The following PRRX2 variants were observed in gnomAD, a reference collection of about 807,000 sequenced individuals.
PRRX2 encodes the protein paired mesoderm homeobox protein 2.
A neutral mutation model predicts 18.0 loss-of-function variants in PRRX2; 11 were observed. The observed-to-expected ratio is 0.61, with a 90% confidence interval of 0.39 to 1.01. The LOEUF (loss-of-function observed/expected upper bound fraction) is 1.01. Ranked by LOEUF, PRRX2 falls within the 50% of genes least tolerant of loss-of-function variation. The pLI is 0.01. For missense variants in PRRX2, 387 were observed against 351.0 expected (o/e 1.10, Z -0.82); for synonymous variants, 177 against 154.8 (o/e 1.14, Z -1.06).
intron 1 of PRRX2, among the ~76,000 whole-genome samples, chr9:129,697,291 G>A (rs985943259): frequency 6.6e-6 from 1 of 152,158 alleles, no homozygotes; most frequent in Admixed American, 6.5e-5. Context: ...GGAGGGAGCT[G>A]GCTGGGCTGC....
rs1832008853 is a variant in PRRX2 at position 129,665,689 on chromosome 9, G to A, written c.-179G>A. The A allele has an allele frequency of 3.5e-6, 1 of 286,788 alleles. No individual in the cohort carries two copies. Among genetic ancestry groups the A allele is most frequent in the Admixed American group, 6.3e-5 (1 of 15,904 alleles). 17.8% of individuals were successfully genotyped at this position (286,788 alleles called of 1,614,324 possible). A position where few individuals can be genotyped will look rare whatever the true frequency, so the allele number is the denominator to read the frequency against. Reference sequence around the variant, plus strand: ...CGGAGCGAGCGGCCGTGGCTGAGAAGGGGAGGGCGGAAAGTTTGTTTCCCC... The same window carrying A: ...CGGAGCGAGCGGCCGTGGCTGAGAAAGGGAGGGCGGAAAGTTTGTTTCCCC... On this transcript the variant is annotated 5_prime_UTR_variant, in exon 1 of 4. Coordinates refer to ENST00000372469, the MANE Select transcript of PRRX2 (RefSeq NM_016307.4). This position sits in a 1 kb window ranked among gnomAD's most constrained non-coding sequence, Gnocchi z 5.3.
At chr9:129,685,516 C>T (rs1242208782) in intron 1 of PRRX2, among the ~76,000 whole-genome samples, 2 of 152,140 alleles carry the variant, frequency 1.3e-5, no homozygotes, top group African/African-American at 4.8e-5. Flanking sequence ...TGTGCCACCA[C>T]CCCCACCTGG....
rs923356508 is a variant in PRRX2 at position 129,720,743 on chromosome 9, T to G, written c.595T>G (p.Tyr199Asp). Residue 199 changes from tyrosine (Y) to aspartate (D), a missense_variant, in exon 3 of 4, where the codon TAT (tyrosine) becomes GAT (aspartate). Tyr to Asp is a radical substitution (Grantham distance 160). Coordinates refer to ENST00000372469, the MANE Select transcript of PRRX2 (RefSeq NM_016307.4). ...APRPTALSPD[Y>D]LSWTASSPYS... Reference sequence around the variant, plus strand: ...CCGGCCCACCGCCCTGAGTCCAGATTATCTCTCCTGGACAGCCTCGTCCCC... The same window carrying G: ...CCGGCCCACCGCCCTGAGTCCAGATGATCTCTCCTGGACAGCCTCGTCCCC... 1.9e-6 allele frequency: 3 copies of G among 1,609,966 alleles called. No individual in the cohort carries two copies. The African/African-American group carries it at 4.0e-5, about 22-fold the overall frequency.
rs775348667 is a variant in PRRX2, at chr9:129,719,395, A to G, written c.424A>G (p.Asn142Asp). The G allele has an allele frequency of 6.5e-6, 10 of 1,545,254 alleles. No individual in the cohort carries two copies. Among genetic ancestry groups the G allele is most frequent in the Non-Finnish European group, 6.1e-6 (7 of 1,145,574 alleles). ...FVREELARRVNLSEARVQVWF... is the reference protein window; with the variant it reads ...FVREELARRVDLSEARVQVWF... ...GCGCGAGGAGCTTGCCCGGCGCGTC[A>G]ACCTCAGCGAGGCGCGCGTTCAGGT... Residue 142 changes from asparagine (N) to aspartate (D), a missense_variant, in exon 2 of 4, where the codon AAC becomes GAC. Coordinates refer to ENST00000372469, the MANE Select transcript of PRRX2 (RefSeq NM_016307.4).
At chr9:129,684,461 C>CACACAA (rs1382196160) in intron 1 of PRRX2, among the ~76,000 whole-genome samples, 1 of 132,212 alleles carries the variant, frequency 7.6e-6, no homozygotes, top group South Asian at 2.5e-4. Context: ...CACACACACC[C>CACACAA]AACAGAAAAG....
At chr9:129,721,302 C>G (rs994451063) in intron 3 of PRRX2, among the ~76,000 whole-genome samples, 4 of 152,098 alleles carry the variant, frequency 2.6e-5, no homozygotes, top group African/African-American at 9.7e-5. Flanking sequence ...TGGCTGGGGC[C>G]CAGAGCCAAG....
At chr9:129,686,517 T>A (rs925000722) in intron 1 of PRRX2, among the ~76,000 whole-genome samples, 1 of 152,050 alleles carries the variant, frequency 6.6e-6, no homozygotes, top group Non-Finnish European at 1.5e-5. Context: ...CTAATTTTTT[T>A]AAGAGGAGTC....
intron 1 of PRRX2, among the ~76,000 whole-genome samples, chr9:129,684,412 G>T (rs1270392437): frequency 7.5e-5 from 9 of 120,416 alleles, no homozygotes; most frequent in East Asian, 4.7e-4. Flanking sequence ...CACAGAGAGA[G>T]ACACACACAG....
At chr9:129,668,486 A>C (rs1832055735) in intron 1 of PRRX2, among the ~76,000 whole-genome samples, 1 of 152,198 alleles carries the variant, frequency 6.6e-6, no homozygotes, top group East Asian at 1.9e-4. Flanking sequence ...GGTCCAAAGA[A>C]AGATGGTCTG....
chr9:129,702,353 G>A (rs553528743), intron 1 of PRRX2, among the ~76,000 whole-genome samples: 7 of 151,266 alleles, frequency 4.6e-5, no homozygotes, highest in Non-Finnish European at 8.8e-5. Context: ...AGCAGAGATC[G>A]CGCTACTGCA....
At position 129,690,059 on chromosome 9, in the gene PRRX2, C is replaced by T. The variant is rs1035545131; in HGVS notation, c.259+23933C>T. Among the ~76,000 whole-genome samples the T allele has an allele frequency of 8.6e-5, 13 of 152,010 alleles. No homozygotes were observed. The South Asian group carries it at 1.0e-3, about 12-fold the overall frequency. On this transcript the variant is annotated intron_variant, in intron 1 of 3. Transcript: ENST00000372469. ...AGCCACCGCGCCTGGCCAATAGCAT[C>T]TTATTTTTAAAGGCTCCACCCTCTA...
intron 1 of PRRX2, among the ~76,000 whole-genome samples, chr9:129,716,457 T>TC (rs1183705451): frequency 2.8e-5 from 4 of 141,538 alleles, no homozygotes; most frequent in African/African-American, 5.1e-5. Flanking sequence ...TTTCTTTCTT[T>TC]TTTTTTTTTT....
At chr9:129,688,687 G>C (rs565636081) in intron 1 of PRRX2, among the ~76,000 whole-genome samples, 1 of 152,328 alleles carries the variant, frequency 6.6e-6, no homozygotes, top group Admixed American at 6.5e-5. Context: ...CCTGAAACCT[G>C]GGAGCCTAGC....
In PRRX2 at chr9:129,699,050, G is replaced by GC. The variant is rs532676482; in HGVS notation, c.260-20180dup. The stretch of plus-strand genomic sequence containing the variant: ...GCTGTGCCTGTTCCTCTGACTATGA[G>GC]CACCAGCAAAGCCAGGCTGAAGCAT... On this transcript the variant is annotated intron_variant, in intron 1 of 3. Transcript: ENST00000372469. Among the ~76,000 whole-genome samples the GC allele has an allele frequency of 1.4e-3, 215 of 152,344 alleles. 1 individual carries two copies. The highest frequency in any genetic ancestry group is 2.4e-3 in the Non-Finnish European group (164 of 68,040).
chr9:129,715,112 A>G lies in PRRX2; in HGVS notation c.260-4119A>G, dbSNP rs1207682664. Among the ~76,000 whole-genome samples the G allele has an allele frequency of 6.6e-6, 1 of 152,108 alleles. No homozygotes were observed. The highest frequency in any genetic ancestry group is 2.4e-5 in the African/African-American group (1 of 41,396). On this transcript the variant is annotated intron_variant, in intron 1 of 3. Transcript: ENST00000372469. This position sits in a 1 kb window ranked among gnomAD's most constrained non-coding sequence, Gnocchi z 4.0. The stretch of plus-strand genomic sequence containing the variant: ...ATGAGACCAGCTCCACAGGGCCACC[A>G]CGTGCTCCCTCCCCACTGCCCCCAC...
intron 1 of PRRX2, among the ~76,000 whole-genome samples, chr9:129,716,175 C>T (rs1180327891): frequency 6.6e-6 from 1 of 152,156 alleles, no homozygotes; most frequent in Non-Finnish European, 1.5e-5. Flanking sequence ...CCAGAAATTC[C>T]ACTTCTAGGA....
rs544807962 is a variant in PRRX2, at chr9:129,686,882, G to A, written c.259+20756G>A. Among the ~76,000 whole-genome samples, 482 of 152,344 alleles carry A rather than the reference G, an allele frequency of 3.2e-3. 5 individuals carry two copies. The highest frequency in any genetic ancestry group is 0.011 in the African/African-American group (463 of 41,578). ...GGGGAGGGCCTTGATGGGTCCAGCG[G>A]GGGAGTGGGGTCTGGGCAGAATGCT... On this transcript the variant is annotated intron_variant, in intron 1 of 3. Coordinates refer to ENST00000372469, the MANE Select transcript of PRRX2 (RefSeq NM_016307.4).
chr9:129,714,396 C>CT (rs1832676861), intron 1 of PRRX2, among the ~76,000 whole-genome samples: 1 of 143,388 alleles, frequency 7.0e-6, no homozygotes, highest in African/African-American at 2.7e-5. Context: ...GAGCGATACT[C>CT]TGTCTCAAAA....
chr9:129,721,376 C>G (rs1267435216), intron 3 of PRRX2, among the ~76,000 whole-genome samples: 1 of 152,020 alleles, frequency 6.6e-6, no homozygotes, highest in African/African-American at 2.4e-5. Context: ...AGGAGGTGCT[C>G]GAGAGTCGGG....
Sources: gnomAD v4.1 joint callset for allele counts (sites outside exome capture counted in the v4.1 genomes callset) on GRCh38, gnomAD v4.1.1 for gene constraint, Gnocchi (gnomAD v3.1) non-coding constraint, MANE v1.5 for transcripts, NCBI Gene and HGNC (gene_info 2026-07-23, HGNC 2026-07-21) for gene names.